Variants in FAM163A observed in about 807,000 individuals in gnomAD.
FAM163A encodes the protein protein FAM163A.
A neutral mutation model predicts 12.0 loss-of-function variants in FAM163A; 7 were observed. That is an observed-to-expected ratio of 0.58 (90% CI 0.33 to 1.10). The LOEUF (loss-of-function observed/expected upper bound fraction) is 1.10, where lower values mean the gene tolerates loss of function less well. Among genes scored for constraint, FAM163A ranks in the 50% least tolerant of loss-of-function variants. The pLI is 0.03. For missense variants in FAM163A, 202 were observed against 218.6 expected (o/e 0.92, Z 0.48); for synonymous variants, 101 against 91.0 (o/e 1.11, Z -0.62).
intron 1 of FAM163A, among the ~76,000 whole-genome samples, chr1:179,775,532 T>C (rs1360786503): frequency 1.3e-5 from 2 of 152,212 alleles, no homozygotes; most frequent in African/African-American, 2.4e-5. Context: ...CCAGACCCTA[T>C]TCTCCTGCCT....
intron 1 of FAM163A, among the ~76,000 whole-genome samples, chr1:179,807,224 C>G (rs1243253849): frequency 1.3e-5 from 2 of 152,174 alleles, no homozygotes; most frequent in Non-Finnish European, 2.9e-5. Flanking sequence ...GCCCTGCCTC[C>G]CCCTCCACCA....
intron 1 of FAM163A, among the ~76,000 whole-genome samples, chr1:179,764,680 C>T (rs1687251276): frequency 6.6e-6 from 1 of 152,222 alleles, no homozygotes; most frequent in South Asian, 2.1e-4. Flanking sequence ...TTCAGAGAAA[C>T]GGCTGTTGGG....
At chr1:179,809,634 GCACTGTTCTTATA>G (rs899063290) in intron 2 of FAM163A, among the ~76,000 whole-genome samples, 2 of 152,050 alleles carry the variant, frequency 1.3e-5, no homozygotes, top group African/African-American at 4.8e-5. Context: ...AGGAGGGAGG[GCACTGTTCTTATA>G]CAGCTTCTCC....
chr1:179,788,401 A>G (rs10913888), intron 1 of FAM163A, among the ~76,000 whole-genome samples: 88,401 of 152,064 alleles, frequency 0.58, 27,403 homozygotes, highest in African/African-American at 0.79. Flanking sequence ...AAGATTCCTC[A>G]CCCTGAAGCT....
chr1:179,767,014 C>A (rs1571381759), intron 1 of FAM163A, among the ~76,000 whole-genome samples: 1 of 152,138 alleles, frequency 6.6e-6, no homozygotes, highest in East Asian at 1.9e-4. Context: ...TCTCAGCCTC[C>A]CAAATTGCTA....
At chr1:179,811,488 T>C (rs1400695479) in intron 2 of FAM163A, among the ~76,000 whole-genome samples, 1 of 152,188 alleles carries the variant, frequency 6.6e-6, no homozygotes, top group Non-Finnish European at 1.5e-5. Flanking sequence ...GGGACCTTGT[T>C]AAAATGCAAA....
intron 1 of FAM163A, among the ~76,000 whole-genome samples, chr1:179,781,706 C>T (rs967535993): frequency 6.6e-6 from 1 of 152,004 alleles, no homozygotes; most frequent in South Asian, 2.1e-4. Flanking sequence ...GAGGCCCAGG[C>T]GGGAGGATCA....
chr1:179,796,361 G>A (rs188638038), intron 1 of FAM163A, among the ~76,000 whole-genome samples: 133 of 152,240 alleles, frequency 8.7e-4, no homozygotes, highest in African/African-American at 3.1e-3. Context: ...TCTCTTCAAG[G>A]TGTCACATTT....
chr1:179,730,568 GTC>G, the FAM163A span, among the ~76,000 whole-genome samples: 1 of 152,184 alleles, frequency 6.6e-6, no homozygotes, highest in Admixed American at 6.5e-5. Flanking sequence ...AGGTGTTTAT[GTC>G]TCTGTAGCTG....
upstream of FAM163A, among the ~76,000 whole-genome samples, chr1:179,741,644 A>G (rs1423244132): frequency 6.6e-6 from 1 of 152,260 alleles, no homozygotes; most frequent in African/African-American, 2.4e-5. Context: ...GATGACTCTT[A>G]CAACCAAATG....
At chr1:179,740,025 T>A (rs1683439809), upstream of FAM163A, among the ~76,000 whole-genome samples, 1 of 152,226 alleles carries the variant, frequency 6.6e-6, no homozygotes, top group South Asian at 2.1e-4. Flanking sequence ...ACTAAGCATG[T>A]GACTACCATA....
rs1454842040 is a variant in FAM163A at position 179,814,239 on chromosome 1, G to C, written c.*50G>C. On this transcript the variant is annotated 3_prime_UTR_variant, in exon 5 of 5. Transcript: ENST00000341785. ...ACACCCACACTGCTGCCCTGGCGGG[G>C]GCCATGGGGGTGATGAATGACCCTC... 1 of 1,534,434 alleles carries C rather than the reference G, an allele frequency of 6.5e-7. No homozygotes were observed. The highest frequency in any genetic ancestry group is 1.3e-5 in the South Asian group (1 of 78,772).
intron 1 of FAM163A, among the ~76,000 whole-genome samples, chr1:179,763,839 C>G (rs1344531123): frequency 6.6e-6 from 1 of 152,152 alleles, no homozygotes; most frequent in East Asian, 1.9e-4. Context: ...CAAGTGCCTT[C>G]CCTTGGCTGA....
chr1:179,744,915 C>T (rs1169554536), intron 1 of FAM163A, among the ~76,000 whole-genome samples: 2 of 152,218 alleles, frequency 1.3e-5, no homozygotes, highest in Non-Finnish European at 2.9e-5. Context: ...CGCATGTTCG[C>T]TTTGCCTAAG....
chr1:179,790,950 C>T (rs1691391519), intron 1 of FAM163A, among the ~76,000 whole-genome samples: 1 of 152,078 alleles, frequency 6.6e-6, no homozygotes, highest in African/African-American at 2.4e-5. Context: ...AAGAACAGAA[C>T]ACGAAAGGAA....
At chr1:179,782,985 C>G (rs1461209540) in intron 1 of FAM163A, among the ~76,000 whole-genome samples, 1 of 152,102 alleles carries the variant, frequency 6.6e-6, no homozygotes, top group Non-Finnish European at 1.5e-5. Context: ...ACAAAATTAG[C>G]CCGGTGTGGT....
At chr1:179,793,688 G>A (rs1357649520) in intron 1 of FAM163A, among the ~76,000 whole-genome samples, 2 of 152,316 alleles carry the variant, frequency 1.3e-5, no homozygotes, top group Middle Eastern at 6.8e-3. Flanking sequence ...ATAGAACTGG[G>A]TGCTTTTCCA....
At chr1:179,807,551 G>GCTTCCTGTGCC (rs1288628378) in intron 1 of FAM163A, among the ~76,000 whole-genome samples, 2 of 152,232 alleles carry the variant, frequency 1.3e-5, no homozygotes, top group Non-Finnish European at 2.9e-5. Context: ...CTGGGCACAG[G>GCTTCCTGTGCC]CTTCCAGCAG....
At chr1:179,733,995 G>T in the FAM163A span, among the ~76,000 whole-genome samples, 1 of 152,196 alleles carries the variant, frequency 6.6e-6, no homozygotes, top group South Asian at 2.1e-4. Context: ...AAGGTAAATT[G>T]GTGTGTTCCT....
Sources: allele counts gnomAD v4.1 joint callset (sites outside exome capture counted in the v4.1 genomes callset), GRCh38; gene constraint gnomAD v4.1.1; transcripts MANE v1.5; gene names NCBI Gene and HGNC (gene_info 2026-07-23, HGNC 2026-07-21).